KIAA1328: variants seen among roughly 807,000 people sequenced by gnomAD.
KIAA1328 encodes KIAA1328.
A neutral mutation model predicts 68.1 loss-of-function variants in KIAA1328; 52 were observed. The observed-to-expected ratio is 0.76, with a 90% confidence interval of 0.61 to 0.96. The LOEUF (loss-of-function observed/expected upper bound fraction) is 0.96. KIAA1328 is among the 40% of genes least tolerant of loss of function. The pLI is 0.00. For missense variants in KIAA1328, 641 were observed against 677.6 expected (o/e 0.95, Z 0.60); for synonymous variants, 232 against 239.4 (o/e 0.97, Z 0.28).
chr18:36,864,223 A>T (rs920472705), intron 4 of KIAA1328, among the ~76,000 whole-genome samples: 1 of 151,364 alleles, frequency 6.6e-6, no homozygotes, highest in Admixed American at 6.6e-5. Flanking sequence ...TCTTTAGCCT[A>T]TTGATATGGT....
chr18:36,900,392 A>T (rs2048998612), intron 5 of KIAA1328, among the ~76,000 whole-genome samples: 1 of 151,684 alleles, frequency 6.6e-6, no homozygotes, highest in African/African-American at 2.4e-5. Context: ...AGAGGCAATA[A>T]TTTTTTTTGT....
intron 7 of KIAA1328, among the ~76,000 whole-genome samples, chr18:37,107,801 G>A (rs2057813938): frequency 6.6e-6 from 1 of 152,028 alleles, no homozygotes; most frequent in African/African-American, 2.4e-5. Context: ...ATCATCATCA[G>A]TGAAGATAGA....
chr18:36,940,457 C>A (rs1408515759), intron 5 of KIAA1328, among the ~76,000 whole-genome samples: 1 of 152,110 alleles, frequency 6.6e-6, no homozygotes, highest in Non-Finnish European at 1.5e-5. Flanking sequence ...GACAACTATT[C>A]ATGAAGTGTA....
chr18:36,879,251 GT>G lies in KIAA1328; in HGVS notation c.333-6304del, dbSNP rs530155798. ...ATGTTGATGTTATTGCTTTCTGTTTGTTAGTTTTCCTTCTAATAGTCAGTCC... is the reference window on the plus strand; with the variant it reads ...ATGTTGATGTTATTGCTTTCTGTTTGTAGTTTTCCTTCTAATAGTCAGTCC... On this transcript the variant is annotated intron_variant, in intron 4 of 9. Coordinates refer to ENST00000280020, the MANE Select transcript of KIAA1328 (RefSeq NM_020776.3). 2.2e-3 allele frequency among the ~76,000 whole-genome samples: 340 copies of G among 151,914 alleles called. 2 individuals are homozygous for G. Among genetic ancestry groups the G allele is most frequent in the African/African-American group, 7.9e-3 (325 of 41,384 alleles).
At chr18:36,913,387 T>C (rs112888301) in intron 5 of KIAA1328, among the ~76,000 whole-genome samples, 48 of 151,724 alleles carry the variant, frequency 3.2e-4, no homozygotes, top group African/African-American at 1.0e-3. Context: ...AAGAACCTTG[T>C]AGATTTTCTG....
At chr18:36,968,289 G>A (rs918529913) in intron 6 of KIAA1328, among the ~76,000 whole-genome samples, 1 of 152,048 alleles carries the variant, frequency 6.6e-6, no homozygotes. Context: ...GAATGTAAAC[G>A]AGCTAAATAC....
intron 6 of KIAA1328, among the ~76,000 whole-genome samples, chr18:36,962,588 A>C (rs1245032118): frequency 6.6e-6 from 1 of 152,222 alleles, no homozygotes; most frequent in Non-Finnish European, 1.5e-5. Flanking sequence ...ACTCCTCAGC[A>C]AATGTAACAG....
chr18:37,094,099 C>G (rs1342824097), intron 7 of KIAA1328, among the ~76,000 whole-genome samples: 3 of 152,204 alleles, frequency 2.0e-5, no homozygotes, highest in Non-Finnish European at 4.4e-5. Context: ...TAGACAGGTT[C>G]TCATAAGGAG....
intron 9 of KIAA1328, among the ~76,000 whole-genome samples, chr18:37,219,612 G>A (rs2060517464): frequency 2.0e-5 from 3 of 152,316 alleles, no homozygotes; most frequent in East Asian, 3.9e-4. Context: ...GCAAGCCTCC[G>A]TGGGCATGGG....
intron 4 of KIAA1328, among the ~76,000 whole-genome samples, chr18:36,844,705 A>G (rs1309574116): frequency 6.6e-6 from 1 of 151,900 alleles, no homozygotes; most frequent in African/African-American, 2.4e-5. Context: ...TTGCCTTGCT[A>G]ATTCCTAATG....
At chr18:37,090,118 T>C (rs1221387908) in intron 7 of KIAA1328, among the ~76,000 whole-genome samples, 1 of 152,228 alleles carries the variant, frequency 6.6e-6, no homozygotes, top group Non-Finnish European at 1.5e-5. Flanking sequence ...TGCAATTAGA[T>C]TTTGGTAATT....
At chr18:36,838,134 A>C (rs1463642016) in intron 3 of KIAA1328, among the ~76,000 whole-genome samples, 1 of 152,174 alleles carries the variant, frequency 6.6e-6, no homozygotes, top group Non-Finnish European at 1.5e-5. Flanking sequence ...AGTATATAGA[A>C]ATTCAGTTGA....
At chr18:37,131,332 TGC>T in intron 7 of KIAA1328, among the ~76,000 whole-genome samples, 1 of 152,356 alleles carries the variant, frequency 6.6e-6, no homozygotes, top group East Asian at 1.9e-4. Context: ...AGCAAGTATG[TGC>T]CAATGATGGC....
At chr18:36,862,276 T>C (rs991745585) in intron 4 of KIAA1328, among the ~76,000 whole-genome samples, 1 of 152,178 alleles carries the variant, frequency 6.6e-6, no homozygotes, top group Admixed American at 6.5e-5. Flanking sequence ...TGTGTAGATT[T>C]GTGTACCATT....
At chr18:37,084,273 A>G in intron 7 of KIAA1328, 1 of 1,188,912 alleles carries the variant, frequency 8.4e-7, no homozygotes, top group Non-Finnish European at 1.1e-6. Context: ...TCTTAAGGGC[A>G]TAAATATTTA....
At chr18:37,127,252 G>A (rs1329622072) in intron 7 of KIAA1328, among the ~76,000 whole-genome samples, 3 of 152,138 alleles carry the variant, frequency 2.0e-5, no homozygotes, top group Non-Finnish European at 4.4e-5. Context: ...ATACAAAAAT[G>A]AATTTTATCT....
chr18:37,180,637 G>T (rs372497465), intron 9 of KIAA1328, among the ~76,000 whole-genome samples: 3 of 149,558 alleles, frequency 2.0e-5, no homozygotes, highest in Non-Finnish European at 3.0e-5. Flanking sequence ...TAACAAAACC[G>T]TTTTTTTTTT....
chr18:37,036,197 C>G (rs1440971748), intron 6 of KIAA1328, among the ~76,000 whole-genome samples: 1 of 152,180 alleles, frequency 6.6e-6, no homozygotes, highest in African/African-American at 2.4e-5. Flanking sequence ...TGAAAGAAAC[C>G]ACACTTGGTT....
chr18:36,940,911 T>C (rs1451024364), intron 5 of KIAA1328, among the ~76,000 whole-genome samples: 1 of 152,092 alleles, frequency 6.6e-6, no homozygotes, highest in African/African-American at 2.4e-5. Context: ...CTTGACCTTG[T>C]GATCCACCCG....
Sources: allele counts gnomAD v4.1 joint callset (sites outside exome capture counted in the v4.1 genomes callset), GRCh38; gene constraint gnomAD v4.1.1; transcripts MANE v1.5; gene names NCBI Gene and HGNC (gene_info 2026-07-23, HGNC 2026-07-21).